SLC71A2: variants seen among roughly 807,000 people sequenced by gnomAD.
SLC71A2 encodes solute carrier family 71 member 2.
chr9:94,439,108 G>A, the SLC71A2 span, among the ~76,000 whole-genome samples: 2 of 134,586 alleles, frequency 1.5e-5, no homozygotes, highest in South Asian at 2.4e-4. Context: ...TGCAACCTCC[G>A]CCTCCCAGGT....
At chr9:94,415,806 T>G in the SLC71A2 span, among the ~76,000 whole-genome samples, 6 of 152,192 alleles carry the variant, frequency 3.9e-5, no homozygotes, top group African/African-American at 7.2e-5. Context: ...CTCGCTCGCC[T>G]GCTGCTCTGT....
At chr9:94,391,086 A>G in the SLC71A2 span, among the ~76,000 whole-genome samples, 6 of 151,902 alleles carry the variant, frequency 3.9e-5, no homozygotes, top group South Asian at 1.0e-3. Flanking sequence ...GACCTAGTGG[A>G]AAAAGATTGG....
At chr9:94,445,087 T>A in the SLC71A2 span, 2 of 1,614,184 alleles carry the variant, frequency 1.2e-6, no homozygotes, top group Non-Finnish European at 1.7e-6. Flanking sequence ...GGACATCTGC[T>A]TCATCTTAGT....
the SLC71A2 span, chr9:94,459,572 G>GTTT: frequency 2.3e-5 from 11 of 480,134 alleles, no homozygotes; most frequent in South Asian, 1.2e-4. Context: ...TCCTCCTCCT[G>GTTT]TTTTTTTTTT....
At chr9:94,433,204 A>G in the SLC71A2 span, 2 of 247,762 alleles carry the variant, frequency 8.1e-6, no homozygotes, top group Non-Finnish European at 1.6e-5. Flanking sequence ...GCTGGTGTAC[A>G]GCTCAGCCAT....
chr9:94,400,567 T>C, the SLC71A2 span, among the ~76,000 whole-genome samples: 326 of 78,450 alleles, frequency 4.2e-3, 8 homozygotes, highest in African/African-American at 0.014. Context: ...AGCTTCCAAA[T>C]GAAAAAAAAA....
chr9:94,445,153 A>C, the SLC71A2 span: 1 of 1,613,814 alleles, frequency 6.2e-7, no homozygotes, highest in Non-Finnish European at 8.5e-7. Flanking sequence ...GGGAGCTCAG[A>C]TTTCTTGGAA....
the SLC71A2 span, chr9:94,456,426 C>T: frequency 3.1e-5 from 30 of 981,352 alleles, no homozygotes; most frequent in Non-Finnish European, 4.7e-5. Context: ...TCCCCATCAA[C>T]AGCAGGAGCC....
chr9:94,414,478 A>G, the SLC71A2 span, among the ~76,000 whole-genome samples: 1 of 152,192 alleles, frequency 6.6e-6, no homozygotes, highest in African/African-American at 2.4e-5. Flanking sequence ...TGTGATACCC[A>G]TACCCATCTC....
chr9:94,416,010 G>C, the SLC71A2 span, among the ~76,000 whole-genome samples: 3 of 152,048 alleles, frequency 2.0e-5, no homozygotes, highest in African/African-American at 7.2e-5. Flanking sequence ...TCAGTTTTTC[G>C]TAGCTTATCT....
chr9:94,454,687 T>C, the SLC71A2 span, among the ~76,000 whole-genome samples: 1 of 152,022 alleles, frequency 6.6e-6, no homozygotes, highest in Non-Finnish European at 1.5e-5. Context: ...TTTAGAGACA[T>C]TGAATATAGT....
the SLC71A2 span, among the ~76,000 whole-genome samples, chr9:94,431,195 C>T: frequency 2.6e-5 from 4 of 151,968 alleles, no homozygotes; most frequent in Non-Finnish European, 5.9e-5. Context: ...CCCCTGTAGT[C>T]CCAGCTACTG....
chr9:94,395,315 TAGAC>T, the SLC71A2 span, among the ~76,000 whole-genome samples: 1 of 152,220 alleles, frequency 6.6e-6, no homozygotes, highest in Non-Finnish European at 1.5e-5. Flanking sequence ...GTCAACAGTT[TAGAC>T]AGTTATATTC....
the SLC71A2 span, chr9:94,451,327 C>T: frequency 3.0e-5 from 14 of 465,776 alleles, no homozygotes; most frequent in Non-Finnish European, 4.9e-5. Context: ...ATAGGTTCAG[C>T]TTTCAGCATG....
the SLC71A2 span, chr9:94,460,747 GAAAA>G: frequency 3.3e-5 from 5 of 151,976 alleles, no homozygotes; most frequent in African/African-American, 9.7e-5. Context: ...GGTATTGACA[GAAAA>G]AAATATATAC....
the SLC71A2 span, chr9:94,456,174 G>A: frequency 1.9e-6 from 2 of 1,060,692 alleles, no homozygotes; most frequent in Middle Eastern, 2.1e-4. Context: ...GCCACTGATT[G>A]CATTCCGAAT....
the SLC71A2 span, among the ~76,000 whole-genome samples, chr9:94,433,885 G>A: frequency 6.6e-6 from 1 of 151,966 alleles, no homozygotes; most frequent in South Asian, 2.1e-4. Flanking sequence ...AATTCAAAAT[G>A]GAAAGTAGTT....
At chr9:94,389,654 T>C in the SLC71A2 span, among the ~76,000 whole-genome samples, 1 of 151,798 alleles carries the variant, frequency 6.6e-6, no homozygotes, top group Non-Finnish European at 1.5e-5. Context: ...TTGCCCAGGC[T>C]GGAGTGCAGT....
At chr9:94,417,802 T>C in the SLC71A2 span, among the ~76,000 whole-genome samples, 5 of 151,348 alleles carry the variant, frequency 3.3e-5, no homozygotes, top group African/African-American at 1.2e-4. Context: ...TCTTCAAATA[T>C]TTTTACTGTC....
Sources: allele counts gnomAD v4.1 joint callset (sites outside exome capture counted in the v4.1 genomes callset), GRCh38; gene constraint gnomAD v4.1.1; transcripts MANE v1.5; gene names NCBI Gene and HGNC (gene_info 2026-07-23, HGNC 2026-07-21).